Variants in PIKFYVE observed in about 807,000 individuals in gnomAD.
PIKFYVE encodes the protein 1-phosphatidylinositol 3-phosphate 5-kinase.
PIKFYVE carries 122 observed loss-of-function variants against 257.9 expected under a neutral mutation model. That is an observed-to-expected ratio of 0.47 (90% CI 0.41 to 0.55). The LOEUF (loss-of-function observed/expected upper bound fraction) is 0.55, where lower values mean the gene tolerates loss of function less well. PIKFYVE is among the 20% of genes least tolerant of loss of function. The pLI is 0.00. For missense variants in PIKFYVE, 2,160 were observed against 2,536.6 expected (o/e 0.85, Z 3.19); for synonymous variants, 892 against 868.9 (o/e 1.03, Z -0.47).
Position 208,357,054 on chromosome 2 carries a change from T to C in PIKFYVE, c.*1749T>C, listed in dbSNP as rs192538712. On this transcript the variant is annotated 3_prime_UTR_variant, in exon 42 of 42. Coordinates refer to ENST00000264380, the MANE Select transcript of PIKFYVE (RefSeq NM_015040.4). ...TGGAAGCAAGTTGACCAAGGACTTATGACTAATGTGATGCTAAGTTCCACT... is the reference window on the plus strand; with the variant it reads ...TGGAAGCAAGTTGACCAAGGACTTACGACTAATGTGATGCTAAGTTCCACT... 9.8e-5 allele frequency: 15 copies of C among 152,370 alleles called. No individual in the cohort carries two copies. In the East Asian group the frequency reaches 1.2e-3, roughly 12 times the overall value. 9.4% of individuals were successfully genotyped at this position (152,370 alleles called of 1,614,324 possible).
At position 208,315,188 on chromosome 2, in the gene PIKFYVE, T is replaced by C; in HGVS notation, c.1827-5T>C. 6.2e-7 allele frequency: 1 copy of C among 1,611,372 alleles called. No homozygotes were observed. The highest frequency in any genetic ancestry group is 8.5e-7 in the Non-Finnish European group (1 of 1,177,600). On this transcript the variant is annotated splice_polypyrimidine_tract_variant and splice_region_variant and intron_variant, in intron 14 of 41. Transcript: ENST00000264380. ...GCAAACTTCTTTCTTATAATATTTT[T>C]GTAGTTCAGCTAATCATAACCACAT...
chr2:208,322,315 G>A (rs1173778351), intron 17 of PIKFYVE, among the ~76,000 whole-genome samples: 1 of 144,042 alleles, frequency 6.9e-6, no homozygotes, highest in Non-Finnish European at 1.5e-5. Flanking sequence ...TGAGGTCACA[G>A]TGAGCTATGA....
chr2:208,329,717 A>G (rs1334361834), intron 21 of PIKFYVE, 125 bp from the exon 22 acceptor site: 1 of 1,469,868 alleles, frequency 6.8e-7, no homozygotes. Flanking sequence ...AACAAAGAAC[A>G]TTACCTCCTT....
At chr2:208,297,823 A>C (rs1693173125) in intron 7 of PIKFYVE, among the ~76,000 whole-genome samples, 1 of 149,852 alleles carries the variant, frequency 6.7e-6, no homozygotes, top group African/African-American at 2.4e-5. Context: ...TTTTAAATAA[A>C]TTAAAGTTTC....
At chr2:208,302,218 T>A in intron 9 of PIKFYVE, 24 bp from the exon 10 acceptor site, 3 of 1,607,292 alleles carry the variant, frequency 1.9e-6, no homozygotes, top group Non-Finnish European at 2.6e-6. Context: ...TTAAAACTTT[T>A]CATTTTTGTG....
chr2:208,321,078 A>G (rs1000288400), intron 17 of PIKFYVE, among the ~76,000 whole-genome samples: 4 of 152,194 alleles, frequency 2.6e-5, no homozygotes, highest in Admixed American at 6.5e-5. Flanking sequence ...TGGGCTCTCC[A>G]TGATTCCTCT....
chr2:208,341,545 G>T (rs1169097257), intron 31 of PIKFYVE, among the ~76,000 whole-genome samples: 2 of 152,148 alleles, frequency 1.3e-5, no homozygotes, highest in African/African-American at 4.8e-5. Flanking sequence ...GTAGACAGCA[G>T]AAATTTAATT....
At position 208,304,201 on chromosome 2, in the gene PIKFYVE, G is replaced by A. The variant is rs1694055979; in HGVS notation, c.1351G>A (p.Asp451Asn). The A allele has an allele frequency of 6.2e-7, 1 of 1,614,066 alleles. No homozygotes were observed. The highest frequency in any genetic ancestry group is 1.1e-5 in the South Asian group (1 of 91,070). The change falls in exon 11 of 42, where the codon GAC (aspartate) becomes AAC (asparagine). Residue 451 changes from aspartate to asparagine, a missense_variant. Transcript: ENST00000264380. ...AGAATTTTCTGAGACGCCTTCTCCC[G>A]ACAGTGACTCAGTGAACTCCGTGGA... Reference protein sequence around the residue: ...STEFSETPSPDSDSVNSVEGH... With the variant: ...STEFSETPSPNSDSVNSVEGH...
At position 208,302,877 on chromosome 2, in the gene PIKFYVE, C is replaced by A. The variant is rs185138830; in HGVS notation, c.1320+524C>A. On this transcript the variant is annotated intron_variant, in intron 10 of 41. Coordinates refer to ENST00000264380, the MANE Select transcript of PIKFYVE (RefSeq NM_015040.4). Reference sequence around the variant, plus strand: ...GGTGCATCACCTGAGGTCAGGAGATCGAGACCATCCTGGCTAACATGGTGA... The same window carrying A: ...GGTGCATCACCTGAGGTCAGGAGATAGAGACCATCCTGGCTAACATGGTGA... Among the ~76,000 whole-genome samples, 4 of 152,016 alleles carry A rather than the reference C, an allele frequency of 2.6e-5. No homozygotes were observed. The East Asian group carries it at 7.7e-4, about 29-fold the overall frequency.
chr2:208,353,921 T>C lies in PIKFYVE; in HGVS notation c.5868T>C (p.Leu1956=). The change falls in exon 40 of 42, where the codon CTT becomes CTC. Residue 1956 remains leucine (L), a synonymous_variant. Transcript: ENST00000264380. ...MAQVFDLKGS[L]RNRNVKTDTG... ...AGGTTTTTGATTTGAAGGGCTCTCT[T>C]AGGAATCGGAATGTAAAAACTGACA... The C allele has an allele frequency of 1.2e-6, 2 of 1,613,928 alleles. No individual in the cohort carries two copies. The highest frequency in any genetic ancestry group is 1.7e-6 in the Non-Finnish European group (2 of 1,179,930).
At position 208,329,848 on chromosome 2, in the gene PIKFYVE, A is replaced by G; in HGVS notation, c.3726A>G (p.Val1242=). 6.2e-7 allele frequency: 1 copy of G among 1,610,838 alleles called. No individual in the cohort carries two copies. The highest frequency in any genetic ancestry group is 8.5e-7 in the Non-Finnish European group (1 of 1,177,784). Residue 1242 remains valine, a synonymous_variant, in exon 22 of 42, where the codon GTA becomes GTG. Transcript: ENST00000264380. ...GAGGTGGTCTCTTCTTTAGGATTGTAACAATGGAATTTTATGGAAAGAATG... is the reference window on the plus strand; with the variant it reads ...GAGGTGGTCTCTTCTTTAGGATTGTGACAATGGAATTTTATGGAAAGAATG... The part of the protein sequence containing the change: ...APSACVSPWI[V]TMEFYGKNDL...
rs182453727 is a variant in PIKFYVE at position 208,292,635 on chromosome 2, A to G, written c.911+3817A>G. On this transcript the variant is annotated intron_variant, in intron 7 of 41. Transcript: ENST00000264380. The stretch of plus-strand genomic sequence containing the variant: ...TGCTCTTTTTTTTATTAGCGTTAAC[A>G]TGGTTTATCTTTCTCCATCTATTTC... 2.6e-4 allele frequency among the ~76,000 whole-genome samples: 40 copies of G among 152,040 alleles called. 1 individual carries two copies. The highest frequency in any genetic ancestry group is 9.2e-4 in the African/African-American group (38 of 41,418).
chr2:208,324,835 T>G, intron 18 of PIKFYVE, 76 bp from the exon 19 acceptor site: 1 of 1,527,940 alleles, frequency 6.5e-7, no homozygotes, highest in Non-Finnish European at 9.0e-7. Context: ...AATTTTTCCA[T>G]TACTTTTCCA....
At chr2:208,326,538 A>C (rs1312369005) in intron 20 of PIKFYVE, 109 bp downstream of exon 20, 3 of 1,196,044 alleles carry the variant, frequency 2.5e-6, no homozygotes, top group Middle Eastern at 2.6e-4. Flanking sequence ...GATTTGTGAA[A>C]TATTTCTTCT....
At chr2:208,290,877 A>G (rs1692223234) in intron 7 of PIKFYVE, among the ~76,000 whole-genome samples, 1 of 152,194 alleles carries the variant, frequency 6.6e-6, no homozygotes. Flanking sequence ...CCACCTTGCT[A>G]TAATCACTTA....
In PIKFYVE at chr2:208,339,519, G is replaced by A. The variant is rs148994064; in HGVS notation, c.4774G>A (p.Gly1592Arg). The A allele has an allele frequency of 1.4e-3, 2,307 of 1,614,124 alleles. 16 individuals are homozygous for A. The highest frequency in any genetic ancestry group is 8.8e-3 in the East Asian group (393 of 44,866). ...AGTCATGTCTGAACAGTCAGTGGGA[G>A]GGCCCCCTGAGCTAGATACAGCCAG... ...PEVMSEQSVG[G>R]PPELDTASSS... The change falls in exon 30 of 42, where the codon GGG becomes AGG. Residue 1592 changes from glycine to arginine, a missense_variant. By Grantham distance (125) the Gly-to-Arg change is moderately radical (BLOSUM62 -2). Around this residue, in one of 12 missense-constraint regions of PIKFYVE, gnomAD observed 699 missense variants for 855.8 expected, o/e 0.82. Coordinates refer to ENST00000264380, the MANE Select transcript of PIKFYVE (RefSeq NM_015040.4).
chr2:208,304,950 A>G lies in PIKFYVE; in HGVS notation c.1573A>G (p.Asn525Asp). ...ISLNVELDNV[N>D]FHIKKPSKYP... ...CCTGAACGTGGAGCTGGACAACGTGAACTTCCATATCAAGAAGCCCTCCAA... is the reference window on the plus strand; with the variant it reads ...CCTGAACGTGGAGCTGGACAACGTGGACTTCCATATCAAGAAGCCCTCCAA... The change falls in exon 12 of 42, where the codon AAC (asparagine) becomes GAC (aspartate). Residue 525 changes from asparagine to aspartate, a missense_variant. Coordinates refer to ENST00000264380, the MANE Select transcript of PIKFYVE (RefSeq NM_015040.4). The G allele has an allele frequency of 6.2e-7, 1 of 1,614,118 alleles. No individual in the cohort carries two copies. Among genetic ancestry groups the G allele is most frequent in the African/African-American group, 1.3e-5 (1 of 75,022 alleles).
At chr2:208,335,528 CT>C in intron 25 of PIKFYVE, 109 bp downstream of exon 25, 7 of 947,828 alleles carry the variant, frequency 7.4e-6, no homozygotes, top group Non-Finnish European at 1.1e-5. Context: ...TAATTGTATG[CT>C]ATGCATGCTT....
At position 208,302,248 on chromosome 2, in the gene PIKFYVE, A is replaced by G; in HGVS notation, c.1215A>G (p.Gln405=). 4 of 1,614,084 alleles carry G rather than the reference A, an allele frequency of 2.5e-6. No individual in the cohort carries two copies. Among genetic ancestry groups the G allele is most frequent in the Non-Finnish European group, 3.4e-6 (4 of 1,179,938 alleles). The change falls in exon 10 of 42, where the codon CAA becomes CAG. Residue 405 remains glutamine (Q), a synonymous_variant. Transcript: ENST00000264380. ...IRNGHIATRA[Q]AIAIGQAMVD... is the part of the protein sequence containing the mutation. Reference sequence around the variant, plus strand: ...TTTGTGGGTCTTGATTCAGGGCACAAGCTATAGCAATTGGACAAGCAATGG... The same window carrying G: ...TTTGTGGGTCTTGATTCAGGGCACAGGCTATAGCAATTGGACAAGCAATGG...
Sources: gnomAD v4.1 joint callset for allele counts (sites outside exome capture counted in the v4.1 genomes callset) on GRCh38, gnomAD v4.1.1 for gene constraint, gnomAD v4.1.1 regional missense constraint, MANE v1.5 for transcripts, NCBI Gene and HGNC (gene_info 2026-07-23, HGNC 2026-07-21) for gene names.